The following REXO1 variants were observed in gnomAD, a reference collection of about 807,000 sequenced individuals.
REXO1 encodes RNA exonuclease 1 homolog.
A neutral mutation model predicts 102.6 loss-of-function variants in REXO1; 42 were observed. That is an observed-to-expected ratio of 0.41 (90% confidence interval 0.32 to 0.53). The LOEUF (loss-of-function observed/expected upper bound fraction) is 0.53. REXO1 is among the 20% of genes least tolerant of loss of function. REXO1 has a pLI of 0.27. For synonymous variants in REXO1, 908 were observed against 779.1 expected (o/e 1.17, Z -2.76); for missense variants, 1,819 against 1,732.5 (o/e 1.05, Z -0.89).
intron 1 of REXO1, 127 bp from the exon 2 acceptor site, chr19:1,828,758 G>A (rs550255001): frequency 5.7e-6 from 7 of 1,226,404 alleles, no homozygotes; most frequent in African/African-American, 3.0e-5. Context: ...ACGCACTGGC[G>A]CCCGCCAAGG....
rs995526898 is a variant in REXO1, at chr19:1,846,061, T to C, written c.157+2141A>G. ...TGCTCCAGGGCTAGCTGAGGGCTTTTCACCTGAACCTCTGTCCACTCTCAA... is the reference window on the plus strand; with the variant it reads ...TGCTCCAGGGCTAGCTGAGGGCTTTCCACCTGAACCTCTGTCCACTCTCAA... On this transcript the variant is annotated intron_variant, in intron 1 of 15. Transcript: ENST00000170168. Among the ~76,000 whole-genome samples, 16 of 152,334 alleles carry C rather than the reference T, an allele frequency of 1.1e-4. 1 individual carries two copies. The South Asian group carries it at 2.5e-3, about 24-fold the overall frequency.
At chr19:1,818,423 G>A (rs1049898654) in intron 10 of REXO1, 59 bp downstream of exon 10, 93 of 1,338,710 alleles carry the variant, frequency 6.9e-5, no homozygotes, top group Non-Finnish European at 8.7e-5. Context: ...GGCCTCAAGG[G>A]AGGGCCCAGG....
Position 1,816,507 on chromosome 19 carries a change from G to A in REXO1, c.3380C>T (p.Ala1127Val). 6.2e-7 allele frequency: 1 copy of A among 1,612,408 alleles called. No individual in the cohort carries two copies. Among genetic ancestry groups the A allele is most frequent in the Non-Finnish European group, 8.5e-7 (1 of 1,179,666 alleles). The change falls in exon 14 of 16, where the codon GCC becomes GTC. Residue 1127 changes from alanine to valine, a missense_variant. Physicochemically the swap from Ala to Val is moderately conservative, Grantham distance 64. Transcript: ENST00000170168. The stretch of plus-strand genomic sequence containing the variant: ...AGCGCTGAACATGCTCAGCAGAACG[G>A]CCTGGACGTCACGCAGCGTGACACT... ...DTSVTLRDVQ[A>V]VLLSMFSADT...
chr19:1,838,674 A>G (rs2011177886), intron 1 of REXO1, among the ~76,000 whole-genome samples: 1 of 151,798 alleles, frequency 6.6e-6, no homozygotes, highest in Non-Finnish European at 1.5e-5. Flanking sequence ...CAAAAAAAAA[A>G]AAAAACTGAA....
chr19:1,821,859 G>C (rs2069553613), intron 4 of REXO1, 177 bp from the exon 5 acceptor site: 1 of 623,484 alleles, frequency 1.6e-6, no homozygotes, highest in African/African-American at 1.9e-5. Context: ...GCTGCCTTCA[G>C]GCAAGTCCAT....
intron 1 of REXO1, among the ~76,000 whole-genome samples, chr19:1,846,742 T>C (rs2011559428): frequency 6.6e-6 from 1 of 152,060 alleles, no homozygotes; most frequent in African/African-American, 2.4e-5. Flanking sequence ...CATACAAAGT[T>C]AGCCAGGCTT....
In REXO1 at chr19:1,848,391, C is replaced by A; in HGVS notation, c.-33G>T. The A allele has an allele frequency of 8.4e-7, 1 of 1,186,140 alleles. No homozygotes were observed. The highest frequency in any genetic ancestry group is 1.0e-6 in the Non-Finnish European group (1 of 953,564). 73.5% of individuals were successfully genotyped at this position (1,186,140 alleles called of 1,614,324 possible). A position where few individuals can be genotyped will look rare whatever the true frequency, so the allele number is the denominator to read the frequency against. ...CCCGCGGCGGGGCCCCGGCCCGGAG[C>A]CGCCCGGGCCCCAGGGCCCCCTCAC... is the stretch of plus-strand genomic sequence containing the variant. On this transcript the variant is annotated 5_prime_UTR_variant, in exon 1 of 16. Coordinates refer to ENST00000170168, the MANE Select transcript of REXO1 (RefSeq NM_020695.4).
At position 1,828,090 on chromosome 19, in the gene REXO1, C is replaced by T. The variant is rs763719722; in HGVS notation, c.699G>A (p.Glu233=). 15 of 1,613,090 alleles carry T rather than the reference C, an allele frequency of 9.3e-6. No individual in the cohort carries two copies. The highest frequency in any genetic ancestry group is 1.7e-5 in the Admixed American group (1 of 59,998). The change falls in exon 2 of 16, where the codon GAG becomes GAA. Residue 233 remains glutamate, a synonymous_variant. Coordinates refer to ENST00000170168, the MANE Select transcript of REXO1 (RefSeq NM_020695.4). ...CCGAGTAGTTGGAGAGAGGGTCATA[C>T]TCCAGGTCTGTGGGTGGCCTGGAGT... ...VDNSRPPTDL[E]YDPLSNYSAR...
chr19:1,816,894 G>A (rs532286952), intron 12 of REXO1, 81 bp from the exon 13 acceptor site: 2 of 1,082,946 alleles, frequency 1.8e-6, no homozygotes, highest in Admixed American at 3.8e-5. Flanking sequence ...TGAGTCTCCA[G>A]AGCCCCTCCA....
chr19:1,846,926 G>A lies in REXO1; in HGVS notation c.157+1276C>T, dbSNP rs796582319. On this transcript the variant is annotated intron_variant, in intron 1 of 15. Coordinates refer to ENST00000170168, the MANE Select transcript of REXO1 (RefSeq NM_020695.4). The stretch of plus-strand genomic sequence containing the variant: ...GGGTTAAAATGAGCATCGTGAGTCT[G>A]GTGTCACAGCCTCCGAGAAGCCTCT... Among the ~76,000 whole-genome samples, 15 of 152,260 alleles carry A rather than the reference G, an allele frequency of 9.9e-5. 2 individuals carry two copies. Among genetic ancestry groups the A allele is most frequent in the African/African-American group, 3.6e-4 (15 of 41,548 alleles).
intron 1 of REXO1, among the ~76,000 whole-genome samples, chr19:1,829,748 C>T (rs1599150712): frequency 1.3e-5 from 2 of 151,962 alleles, no homozygotes; most frequent in East Asian, 1.9e-4. Context: ...GCAGAGGTTT[C>T]GGTGAGCCGA....
intron 1 of REXO1, among the ~76,000 whole-genome samples, chr19:1,829,789 CAA>C (rs1455015168): frequency 6.6e-6 from 1 of 152,136 alleles, no homozygotes; most frequent in African/African-American, 2.4e-5. Context: ...GCCTGCGCGA[CAA>C]GAGTGAAACC....
At position 1,847,480 on chromosome 19, in the gene REXO1, C is replaced by T. The variant is rs994521506; in HGVS notation, c.157+722G>A. Among the ~76,000 whole-genome samples the T allele has an allele frequency of 3.3e-5, 5 of 152,288 alleles. No homozygotes were observed. The East Asian group carries it at 7.7e-4, about 24-fold the overall frequency. ...AATGACATCACACTCGATAACCCTC[C>T]CTCCACGACTTTCCTTGCGATGTCC... On this transcript the variant is annotated intron_variant, in intron 1 of 15. Coordinates refer to ENST00000170168, the MANE Select transcript of REXO1 (RefSeq NM_020695.4).
chr19:1,832,244 C>G (rs1353100602), intron 1 of REXO1, among the ~76,000 whole-genome samples: 2 of 152,330 alleles, frequency 1.3e-5, no homozygotes, highest in East Asian at 3.9e-4. Context: ...TCCCCGGAAG[C>G]CTTCGGGAGG....
chr19:1,841,911 C>T (rs1431945180), intron 1 of REXO1, among the ~76,000 whole-genome samples: 1 of 152,144 alleles, frequency 6.6e-6, no homozygotes, highest in African/African-American at 2.4e-5. Context: ...AGCCATCCCT[C>T]TCGAAAACAC....
chr19:1,816,951 G>A (rs1474180006), intron 12 of REXO1, 138 bp from the exon 13 acceptor site: 14 of 745,012 alleles, frequency 1.9e-5, no homozygotes, highest in East Asian at 1.1e-4. Flanking sequence ...AGGAGAGGCC[G>A]AGTGGGGTGT....
intron 10 of REXO1, 99 bp from the exon 11 acceptor site, chr19:1,817,879 G>T: frequency 1.1e-6 from 1 of 908,174 alleles, no homozygotes; most frequent in South Asian, 1.5e-5. Context: ...ACTAGGGAGT[G>T]AGGACTGAGG....
In REXO1 at chr19:1,825,928, TCTC is replaced by T. The variant is rs149465929; in HGVS notation, c.1924_1926del (p.Glu642del). On this transcript the variant is annotated inframe_deletion, in exon 3 of 16. Coordinates refer to ENST00000170168, the MANE Select transcript of REXO1 (RefSeq NM_020695.4). The stretch of plus-strand genomic sequence containing the variant: ...CCCGAAAGCCCCTTCTCCTCACTCT[TCTC>T]TTCCTTGGGGGGCTAAGACACATGT... 363,230 of 1,605,308 alleles carry T rather than the reference TCTC, an allele frequency of 0.23. 44,260 individuals carry two copies. Among genetic ancestry groups the T allele is most frequent in the East Asian group, 0.45 (20,355 of 44,784 alleles).
At chr19:1,843,030 CT>C (rs2011362324) in intron 1 of REXO1, among the ~76,000 whole-genome samples, 1 of 152,186 alleles carries the variant, frequency 6.6e-6, no homozygotes, top group South Asian at 2.1e-4. Context: ...CTCTAACCCC[CT>C]CCACACAGGA....
Sources: allele counts gnomAD v4.1 joint callset (sites outside exome capture counted in the v4.1 genomes callset), GRCh38; gene constraint gnomAD v4.1.1; transcripts MANE v1.5; gene names NCBI Gene and HGNC (gene_info 2026-07-23, HGNC 2026-07-21).